KYNU: variants seen among roughly 807,000 people sequenced by gnomAD.
KYNU encodes the protein kynureninase, also known as L-kynurenine hydrolase.
A neutral mutation model predicts 59.2 loss-of-function variants in KYNU; 54 were observed. The observed-to-expected ratio is 0.91, with a 90% CI of 0.73 to 1.14. The LOEUF is 1.14. Among genes scored for constraint, KYNU ranks in the 50% most tolerant of loss-of-function variants. The pLI is 0.00. For missense variants in KYNU, 567 were observed against 554.4 expected, an observed-to-expected ratio of 1.02 and a Z score of -0.23; for synonymous variants, 177 against 192.0, an observed-to-expected ratio of 0.92 and a Z score of 0.65.
At chr2:142,988,268 A>T (rs1685282241) in intron 10 of KYNU, among the ~76,000 whole-genome samples, 1 of 151,950 alleles carries the variant, frequency 6.6e-6, no homozygotes. Flanking sequence ...TCGTTGACTC[A>T]CTGAGAATGT....
At chr2:142,967,660 A>T (rs545540082) in intron 8 of KYNU, among the ~76,000 whole-genome samples, 1 of 152,268 alleles carries the variant, frequency 6.6e-6, no homozygotes, top group South Asian at 2.1e-4. Flanking sequence ...TGAACCTTCT[A>T]TTTATCTTCA....
chr2:142,939,270 C>T (rs1057394397), intron 4 of KYNU, among the ~76,000 whole-genome samples: 4 of 152,030 alleles, frequency 2.6e-5, no homozygotes, highest in African/African-American at 4.8e-5. Context: ...TGGTTTTGTG[C>T]GACTATGTTG....
Position 142,891,595 on chromosome 2 carries a change from C to T in KYNU, c.169+6059C>T, listed in dbSNP as rs1681716319. On this transcript the variant is annotated intron_variant, in intron 2 of 13. Coordinates refer to ENST00000264170, the MANE Select transcript of KYNU (RefSeq NM_003937.3). ...TTGGACTCAGATAAAATTGGCATAG[C>T]AAAATAATCATGCTTCAGTTTGTCT... Among the ~76,000 whole-genome samples the T allele has an allele frequency of 2.6e-5, 4 of 152,234 alleles. No individual in the cohort carries two copies. The South Asian group carries it at 8.3e-4, about 32-fold the overall frequency.
At chr2:142,892,492 G>T (rs781562423) in intron 2 of KYNU, among the ~76,000 whole-genome samples, 1 of 152,142 alleles carries the variant, frequency 6.6e-6, no homozygotes. Context: ...GCTGGGTATT[G>T]GTAAATGGTA....
chr2:142,891,337 A>G (rs562439846), intron 2 of KYNU, among the ~76,000 whole-genome samples: 30 of 152,274 alleles, frequency 2.0e-4, no homozygotes, highest in African/African-American at 7.2e-4. Flanking sequence ...TGATCTATAT[A>G]GAAGATTATT....
At chr2:142,908,256 A>C (rs957388438) in intron 2 of KYNU, among the ~76,000 whole-genome samples, 15 of 152,176 alleles carry the variant, frequency 9.9e-5, no homozygotes, top group Admixed American at 9.8e-4. Flanking sequence ...AGTATTGGAA[A>C]GTTTTGAGTT....
intron 10 of KYNU, among the ~76,000 whole-genome samples, chr2:143,021,637 C>T (rs1349185159): frequency 4.6e-5 from 7 of 152,104 alleles, no homozygotes; most frequent in South Asian, 2.1e-4. Flanking sequence ...AGATGCTACA[C>T]GCTTTTAAAC....
chr2:142,878,213 A>G (rs78189771), intron 1 of KYNU, among the ~76,000 whole-genome samples: 7,489 of 152,184 alleles, frequency 0.049, 321 homozygotes, highest in East Asian at 0.22. Context: ...TTCCCCTTTC[A>G]TTTTATGAAA....
rs369817874 is a variant in KYNU at position 142,907,577 on chromosome 2, T to C, written c.170-11032T>C. 6.1e-4 allele frequency among the ~76,000 whole-genome samples: 93 copies of C among 152,150 alleles called. 1 individual carries two copies. Among genetic ancestry groups the C allele is most frequent in the African/African-American group, 2.1e-3 (87 of 41,496 alleles). On this transcript the variant is annotated intron_variant, in intron 2 of 13. Coordinates refer to ENST00000264170, the MANE Select transcript of KYNU (RefSeq NM_003937.3). ...AAATACGGACAAGAAGAGTGTGCAGTTGCAAGATTTAATAGACTGAAAACA... is the reference window on the plus strand; with the variant it reads ...AAATACGGACAAGAAGAGTGTGCAGCTGCAAGATTTAATAGACTGAAAACA...
At chr2:142,998,854 A>G (rs985326479) in intron 10 of KYNU, among the ~76,000 whole-genome samples, 2 of 151,872 alleles carry the variant, frequency 1.3e-5, no homozygotes, top group South Asian at 2.1e-4. Flanking sequence ...TAAAAATACA[A>G]AAAAGTTAGC....
intron 12 of KYNU, among the ~76,000 whole-genome samples, chr2:143,038,974 A>T (rs1686963170): frequency 6.6e-6 from 1 of 152,128 alleles, no homozygotes; most frequent in Non-Finnish European, 1.5e-5. Flanking sequence ...TCTTATACAT[A>T]GGATATATTT....
intron 8 of KYNU, among the ~76,000 whole-genome samples, chr2:142,961,455 C>T (rs1294082020): frequency 1.3e-5 from 2 of 151,906 alleles, no homozygotes; most frequent in African/African-American, 4.8e-5. Context: ...CATGCTAGGT[C>T]TATTAAAAAT....
chr2:142,987,888 T>C (rs1321507953), intron 10 of KYNU, among the ~76,000 whole-genome samples: 1 of 151,758 alleles, frequency 6.6e-6, no homozygotes, highest in Non-Finnish European at 1.5e-5. Context: ...TATAGTTGTT[T>C]AAAAGTGTGT....
intron 13 of KYNU, 64 bp from the exon 14 acceptor site, chr2:143,041,982 TG>T: frequency 6.5e-7 from 1 of 1,544,934 alleles, no homozygotes; most frequent in Non-Finnish European, 8.9e-7. Flanking sequence ...TAAGTTTATC[TG>T]GAATGTAGAT....
chr2:142,954,881 CT>C lies in KYNU; in HGVS notation c.435+13del. Reference sequence around the variant, plus strand: ...TTTACATCTTCTAATGGTAAGTTTTCTTTCCCACTAATGTTTAGAACACATT... The same window carrying C: ...TTTACATCTTCTAATGGTAAGTTTTCTTCCCACTAATGTTTAGAACACATT... On this transcript the variant is annotated intron_variant, in intron 5 of 13. Coordinates refer to ENST00000264170, the MANE Select transcript of KYNU (RefSeq NM_003937.3). The C allele has an allele frequency of 6.5e-7, 1 of 1,530,768 alleles. No homozygotes were observed. Among genetic ancestry groups the C allele is most frequent in the Non-Finnish European group, 9.1e-7 (1 of 1,104,598 alleles). 94.8% of individuals were successfully genotyped at this position (1,530,768 alleles called of 1,614,324 possible). A position where few individuals can be genotyped will look rare whatever the true frequency, so the allele number is the denominator to read the frequency against.
intron 10 of KYNU, among the ~76,000 whole-genome samples, chr2:143,004,842 G>T (rs1326035839): frequency 6.6e-6 from 1 of 152,026 alleles, no homozygotes; most frequent in Non-Finnish European, 1.5e-5. Context: ...ATCTCATTAG[G>T]TGTCACCTGG....
chr2:142,881,758 T>C (rs1681304349), intron 1 of KYNU, among the ~76,000 whole-genome samples: 1 of 152,050 alleles, frequency 6.6e-6, no homozygotes, highest in Admixed American at 6.6e-5. Context: ...AATATAATTT[T>C]TTTTTAAACA....
At chr2:142,881,023 A>G (rs1681277733) in intron 1 of KYNU, among the ~76,000 whole-genome samples, 1 of 152,244 alleles carries the variant, frequency 6.6e-6, no homozygotes, top group Admixed American at 6.5e-5. Context: ...TCAGAGGAAG[A>G]CGGGCTACTT....
At chr2:142,983,936 C>T (rs1363345115) in intron 8 of KYNU, among the ~76,000 whole-genome samples, 2 of 151,900 alleles carry the variant, frequency 1.3e-5, no homozygotes, top group Non-Finnish European at 2.9e-5. Flanking sequence ...TTGAATCTTA[C>T]AAAGAAAATA....
Sources: allele counts gnomAD v4.1 joint callset (sites outside exome capture counted in the v4.1 genomes callset), GRCh38; gene constraint gnomAD v4.1.1; transcripts MANE v1.5; gene names NCBI Gene and HGNC (gene_info 2026-07-23, HGNC 2026-07-21).